SNX29: variants seen among roughly 807,000 people sequenced by gnomAD.
The protein encoded by SNX29 is sorting nexin 29.
In SNX29, 78 loss-of-function variants were observed where a neutral mutation model predicts 102.1. The observed-to-expected ratio is 0.76, with a 90% CI of 0.64 to 0.92. The LOEUF (loss-of-function observed/expected upper bound fraction) is 0.92. Among genes scored for constraint, SNX29 ranks in the 40% least tolerant of loss-of-function variants. The pLI, the probability that SNX29 is intolerant of heterozygous loss-of-function variation, is 0.00. For synonymous variants in SNX29, 580 were observed against 414.5 expected, an observed-to-expected ratio of 1.40 and a Z score of -4.85; for missense variants, 1,280 against 1,061.7, an observed-to-expected ratio of 1.21 and a Z score of -2.86.
chr16:12,228,257 G>A (rs2077672750), intron 14 of SNX29, among the ~76,000 whole-genome samples: 1 of 152,246 alleles, frequency 6.6e-6, no homozygotes, highest in African/African-American at 2.4e-5. Flanking sequence ...ACACCATACT[G>A]CTATTCTCCC....
At position 12,570,507 on chromosome 16, in the gene SNX29, T is replaced by C. The variant is rs1236284553; in HGVS notation, c.*1878T>C. On this transcript the variant is annotated 3_prime_UTR_variant, in exon 21 of 21. Coordinates refer to ENST00000566228, the MANE Select transcript of SNX29 (RefSeq NM_032167.5). ...GTATGTCATGACCCCTTAGGTTGGGTTTATGCCACATCGGTCATTTTGAAG... is the reference window on the plus strand; with the variant it reads ...GTATGTCATGACCCCTTAGGTTGGGCTTATGCCACATCGGTCATTTTGAAG... The C allele has an allele frequency of 4.3e-6, 1 of 232,764 alleles. No homozygotes were observed. The highest frequency in any genetic ancestry group is 8.5e-6 in the Non-Finnish European group (1 of 117,892). 14.4% of individuals were successfully genotyped at this position (232,764 alleles called of 1,614,324 possible). A position where few individuals can be genotyped will look rare whatever the true frequency, so the allele number is the denominator to read the frequency against.
chr16:12,125,505 A>G (rs2054165574), intron 11 of SNX29, among the ~76,000 whole-genome samples: 1 of 151,028 alleles, frequency 6.6e-6, no homozygotes, highest in African/African-American at 2.4e-5. Flanking sequence ...CTAGGGTGAT[A>G]CAGTGGATCG....
chr16:12,052,754 A>G (rs1358234547), intron 8 of SNX29: 3 of 165,576 alleles, frequency 1.8e-5, no homozygotes, highest in African/African-American at 7.2e-5. Context: ...GTGCCTTGAA[A>G]TTCTTGCTTT....
chr16:12,057,656 C>T (rs962188446), intron 8 of SNX29, among the ~76,000 whole-genome samples: 1 of 152,070 alleles, frequency 6.6e-6, no homozygotes, highest in Non-Finnish European at 1.5e-5. Flanking sequence ...AAATGTGCAG[C>T]CACAGGGGGA....
At chr16:12,320,895 C>T (rs958188171) in intron 15 of SNX29, among the ~76,000 whole-genome samples, 2 of 152,112 alleles carry the variant, frequency 1.3e-5, no homozygotes, top group Non-Finnish European at 1.5e-5. Context: ...CATTTGGGTG[C>T]TTAAAAGGAT....
At chr16:12,465,539 C>A (rs2087011253) in intron 18 of SNX29, among the ~76,000 whole-genome samples, 1 of 152,074 alleles carries the variant, frequency 6.6e-6, no homozygotes, top group South Asian at 2.1e-4. Context: ...GGATTTACTT[C>A]TGGGCTTTGT....
At chr16:12,282,307 C>T (rs747584800) in intron 15 of SNX29, among the ~76,000 whole-genome samples, 5 of 152,180 alleles carry the variant, frequency 3.3e-5, no homozygotes, top group African/African-American at 4.8e-5. Flanking sequence ...GCAGCAATAT[C>T]AGCCATTTGA....
intron 14 of SNX29, among the ~76,000 whole-genome samples, chr16:12,266,713 C>G (rs1039005938): frequency 3.4e-5 from 5 of 148,190 alleles, no homozygotes; most frequent in Admixed American, 2.7e-4. Context: ...GAATATCCCA[C>G]TCAGACAACG....
intron 11 of SNX29, among the ~76,000 whole-genome samples, chr16:12,118,317 T>C (rs202040362): frequency 3.3e-4 from 42 of 125,384 alleles, no homozygotes; most frequent in Middle Eastern, 3.7e-3. Flanking sequence ...GACCACCTTT[T>C]TTTTTTTTTT....
At chr16:12,465,405 C>T (rs1209333382) in intron 18 of SNX29, among the ~76,000 whole-genome samples, 3 of 152,028 alleles carry the variant, frequency 2.0e-5, no homozygotes, top group African/African-American at 7.2e-5. Flanking sequence ...TAAGACAAGG[C>T]TCTAATTTCA....
At chr16:11,996,222 A>G (rs561134255) in intron 1 of SNX29, among the ~76,000 whole-genome samples, 160 of 152,196 alleles carry the variant, frequency 1.1e-3, no homozygotes, top group African/African-American at 3.2e-3. Context: ...TATAAAAAAT[A>G]AAAATAAATA....
chr16:12,484,142 C>G (rs59796351), intron 19 of SNX29, among the ~76,000 whole-genome samples: 13,358 of 152,198 alleles, frequency 0.088, 865 homozygotes, highest in African/African-American at 0.18. Flanking sequence ...GTCATTCTCT[C>G]TTTCTCCCTC....
At chr16:12,472,543 A>AAC (rs1555547104) in intron 18 of SNX29, among the ~76,000 whole-genome samples, 49 of 139,940 alleles carry the variant, frequency 3.5e-4, no homozygotes, top group South Asian at 2.0e-3. Flanking sequence ...AAAAAAAAAA[A>AAC]CAAAAAAAAA....
intron 20 of SNX29, among the ~76,000 whole-genome samples, chr16:12,565,639 C>G (rs553826165): frequency 6.6e-5 from 10 of 152,232 alleles, no homozygotes; most frequent in African/African-American, 2.2e-4. Flanking sequence ...ACATGTGACA[C>G]ATATAGCCTC....
At chr16:12,539,546 C>G (rs1313731537) in intron 20 of SNX29, among the ~76,000 whole-genome samples, 1 of 152,214 alleles carries the variant, frequency 6.6e-6, no homozygotes, top group Non-Finnish European at 1.5e-5. Context: ...CTAGTGGAAA[C>G]ATTCAAGTGC....
intron 8 of SNX29, among the ~76,000 whole-genome samples, chr16:12,059,439 G>C (rs1394413211): frequency 6.6e-6 from 1 of 152,314 alleles, no homozygotes; most frequent in East Asian, 1.9e-4. Flanking sequence ...TCGCGGGAGC[G>C]GCTCTTCTTT....
At chr16:11,999,274 A>G in intron 1 of SNX29, 23 bp from the exon 2 acceptor site, 1 of 1,613,452 alleles carries the variant, frequency 6.2e-7, no homozygotes, top group Non-Finnish European at 8.5e-7. Flanking sequence ...AGAGAGAACT[A>G]ATTAAGCCTC....
chr16:12,191,414 G>C (rs761949617), intron 13 of SNX29, among the ~76,000 whole-genome samples: 14 of 152,154 alleles, frequency 9.2e-5, no homozygotes, highest in Admixed American at 6.5e-5. Context: ...CCAGGAACAT[G>C]ACTTACCTCC....
rs2079116413 is a variant in SNX29, at chr16:12,568,679, C to T, written c.*50C>T. ...CCCTGTGCGTGGCACCAGCTGCGTCCACCCCAGCCACTGCCGCTGGCCCCT... is the reference window on the plus strand; with the variant it reads ...CCCTGTGCGTGGCACCAGCTGCGTCTACCCCAGCCACTGCCGCTGGCCCCT... On this transcript the variant is annotated 3_prime_UTR_variant, in exon 21 of 21. Coordinates refer to ENST00000566228, the MANE Select transcript of SNX29 (RefSeq NM_032167.5). 3.2e-6 allele frequency: 5 copies of T among 1,583,490 alleles called. No homozygotes were observed. The highest frequency in any genetic ancestry group is 4.3e-6 in the Non-Finnish European group (5 of 1,170,652).
Sources: gnomAD v4.1 joint callset for allele counts (sites outside exome capture counted in the v4.1 genomes callset) on GRCh38, gnomAD v4.1.1 for gene constraint, MANE v1.5 for transcripts, NCBI Gene and HGNC (gene_info 2026-07-23, HGNC 2026-07-21) for gene names.